TFDP2: variants seen among roughly 807,000 people sequenced by gnomAD.
The protein encoded by TFDP2 is transcription factor Dp-2 (E2F dimerization partner 2).
Under a neutral mutation model 59.3 loss-of-function variants are expected in TFDP2, and 17 were observed. That is an observed-to-expected ratio of 0.29 (90% CI 0.20 to 0.43). TFDP2 has a LOEUF of 0.43. Ranked by LOEUF, TFDP2 falls within the 20% of genes least tolerant of loss-of-function variation. TFDP2 has a pLI of 1.00. For synonymous variants in TFDP2, 180 were observed against 194.7 expected (o/e 0.92, Z 0.63); for missense variants, 391 against 528.8 (o/e 0.74, Z 2.56).
chr3:142,045,121 G>C (rs935051202), intron 3 of TFDP2, among the ~76,000 whole-genome samples: 6 of 149,910 alleles, frequency 4.0e-5, no homozygotes, highest in Non-Finnish European at 3.0e-5. Context: ...TTAAATATCA[G>C]ATGTCCTTCT....
At chr3:142,008,257 C>T (rs116458350) in intron 3 of TFDP2, among the ~76,000 whole-genome samples, 10,571 of 151,942 alleles carry the variant, frequency 0.07, 475 homozygotes, top group Non-Finnish European at 0.11. Flanking sequence ...ACTAGATATC[C>T]TACCTCTAAC....
intron 3 of TFDP2, among the ~76,000 whole-genome samples, chr3:142,012,994 A>G (rs1044678237): frequency 2.0e-5 from 3 of 151,974 alleles, no homozygotes; most frequent in African/African-American, 7.3e-5. Context: ...AAAATTAGCC[A>G]GGTATGGTGG....
chr3:142,017,598 G>A (rs1256280675), intron 3 of TFDP2, among the ~76,000 whole-genome samples: 1 of 141,986 alleles, frequency 7.0e-6, no homozygotes, highest in African/African-American at 2.7e-5. Flanking sequence ...TGTCGCCTAG[G>A]CTGGAGTGCA....
intron 1 of TFDP2, among the ~76,000 whole-genome samples, chr3:142,137,982 T>C (rs1166746421): frequency 7.2e-5 from 11 of 152,180 alleles, no homozygotes; most frequent in Admixed American, 5.9e-4. Context: ...TGGTAGAATT[T>C]GGCTGTGAAT....
chr3:142,136,318 T>G (rs2062736627), intron 1 of TFDP2, among the ~76,000 whole-genome samples: 1 of 152,062 alleles, frequency 6.6e-6, no homozygotes, highest in South Asian at 2.1e-4. Context: ...GTCAGATGGG[T>G]AGATTGCAAA....
intron 3 of TFDP2, among the ~76,000 whole-genome samples, chr3:142,040,657 C>T (rs1328071448): frequency 5.3e-5 from 8 of 152,110 alleles, no homozygotes; most frequent in African/African-American, 2.4e-5. Flanking sequence ...CTTGAACTCC[C>T]GACCTCAGGT....
chr3:141,961,148 C>T (rs150019849), intron 10 of TFDP2, among the ~76,000 whole-genome samples: 62 of 151,262 alleles, frequency 4.1e-4, no homozygotes, highest in African/African-American at 1.3e-3. Flanking sequence ...AAACAAGAGA[C>T]TAATTTGAGA....
intron 8 of TFDP2, 150 bp from the exon 9 acceptor site, chr3:141,970,291 G>T: frequency 1.5e-6 from 1 of 675,138 alleles, no homozygotes; most frequent in Non-Finnish European, 2.5e-6. Context: ...TATCTTTGTA[G>T]GGGGCAGGGG....
intron 4 of TFDP2, 43 bp downstream of exon 4, chr3:142,005,398 G>T: frequency 6.9e-7 from 1 of 1,450,492 alleles, no homozygotes; most frequent in Non-Finnish European, 9.6e-7. Flanking sequence ...AATTAGTCTT[G>T]GCTAAACAAA....
intron 3 of TFDP2, among the ~76,000 whole-genome samples, chr3:142,033,470 G>A (rs1178621945): frequency 6.6e-6 from 1 of 152,006 alleles, no homozygotes; most frequent in South Asian, 2.1e-4. Flanking sequence ...AAACCCCTAT[G>A]CATGCTTTAT....
intron 3 of TFDP2, among the ~76,000 whole-genome samples, chr3:142,013,491 C>G (rs1399477154): frequency 6.6e-6 from 1 of 152,184 alleles, no homozygotes; most frequent in Non-Finnish European, 1.5e-5. Context: ...GGCCTAAATT[C>G]ATAGCTCCTT....
chr3:142,016,585 G>A (rs1021239523), intron 3 of TFDP2, among the ~76,000 whole-genome samples: 15 of 152,280 alleles, frequency 9.9e-5, no homozygotes, highest in African/African-American at 3.6e-4. Context: ...ACAGGCATGA[G>A]CCACCACACC....
chr3:141,946,854 C>T lies in TFDP2; in HGVS notation c.*5659G>A, dbSNP rs1423909998. ...ACCAGTGTGGTCAACATGGTGAAAC[C>T]CTGTCTCTACTAAAAATACAAAAAT... On this transcript the variant is annotated 3_prime_UTR_variant, in exon 13 of 13. Coordinates refer to ENST00000489671, the MANE Select transcript of TFDP2 (RefSeq NM_001178139.2). The T allele has an allele frequency of 6.6e-6, 1 of 152,034 alleles. No homozygotes were observed. Among genetic ancestry groups the T allele is most frequent in the East Asian group, 1.9e-4 (1 of 5,188 alleles). The allele number at this position is 152,034 out of a possible 1,614,324, so 9.4% of individuals were successfully genotyped here. A position where few individuals can be genotyped will look rare whatever the true frequency, so the allele number is the denominator to read the frequency against.
rs933998415 is a variant in TFDP2 at position 141,969,991 on chromosome 3, C to A, written c.732+82G>T. 5 of 1,380,986 alleles carry A rather than the reference C, an allele frequency of 3.6e-6. No homozygotes were observed. The Admixed American group carries it at 8.4e-5, about 23-fold the overall frequency. The allele number at this position is 1,380,986 out of a possible 1,614,324, so 85.5% of individuals were successfully genotyped here. A position where few individuals can be genotyped will look rare whatever the true frequency, so the allele number is the denominator to read the frequency against. ...GCTCACCACACACCACTCAGAGGCACCACAATTAGAAAACACACTGACTCC... is the reference window on the plus strand; with the variant it reads ...GCTCACCACACACCACTCAGAGGCAACACAATTAGAAAACACACTGACTCC... On this transcript the variant is annotated intron_variant, in intron 9 of 12. Transcript: ENST00000489671.
chr3:141,968,431 TAG>T (rs1491518422), intron 9 of TFDP2, among the ~76,000 whole-genome samples: 8,029 of 86,774 alleles, frequency 0.093, 894 homozygotes, highest in East Asian at 0.13. Context: ...ATCTCATATA[TAG>T]ATATATATAA....
At chr3:141,990,409 G>A (rs2108157838) in intron 6 of TFDP2, among the ~76,000 whole-genome samples, 1 of 152,052 alleles carries the variant, frequency 6.6e-6, no homozygotes, top group South Asian at 2.1e-4. Context: ...TGAGTAGCTG[G>A]GATTACAGGC....
chr3:141,969,009 T>TG (rs1408868396), intron 9 of TFDP2, among the ~76,000 whole-genome samples: 2 of 90,672 alleles, frequency 2.2e-5, no homozygotes, highest in African/African-American at 9.5e-5. Context: ...CTCATATATA[T>TG]AGATATATAT....
chr3:142,088,318 C>CTT (rs139103121), intron 3 of TFDP2, among the ~76,000 whole-genome samples: 1 of 149,444 alleles, frequency 6.7e-6, no homozygotes, highest in Non-Finnish European at 1.5e-5. Flanking sequence ...GTCCAGCTAT[C>CTT]TTTTTTTTTT....
At chr3:142,145,079 G>A (rs2063118978) in intron 1 of TFDP2, among the ~76,000 whole-genome samples, 1 of 152,158 alleles carries the variant, frequency 6.6e-6, no homozygotes, top group Admixed American at 6.5e-5. Context: ...ATTCTCTTCC[G>A]ATGGCTCAAG....
Sources: gnomAD v4.1 joint callset for allele counts (sites outside exome capture counted in the v4.1 genomes callset) on GRCh38, gnomAD v4.1.1 for gene constraint, MANE v1.5 for transcripts, NCBI Gene and HGNC (gene_info 2026-07-23, HGNC 2026-07-21) for gene names.